SHANK2: variants seen among roughly 807,000 people sequenced by gnomAD.
SHANK2 encodes the protein SH3 and multiple ankyrin repeat domains protein 2.
Under a neutral mutation model 133.7 loss-of-function variants are expected in SHANK2, and 43 were observed. The ratio of observed to expected loss-of-function variants is 0.32; its 90% CI spans 0.25 to 0.41. SHANK2 has a LOEUF of 0.41. Among genes scored for constraint, SHANK2 ranks in the 10% least tolerant of loss-of-function variants. The probability of loss-of-function intolerance (pLI) is 1.00; values close to 1 mark genes in which losing one functional copy is unlikely to be tolerated. For synonymous variants in SHANK2, 1,017 were observed against 952.8 expected (o/e 1.07, Z -1.24); for missense variants, 1,994 against 2,235.8 (o/e 0.89, Z 2.18).
At chr11:71,197,636 C>A (rs993022939) in intron 2 of SHANK2, among the ~76,000 whole-genome samples, 4 of 152,200 alleles carry the variant, frequency 2.6e-5, no homozygotes, top group African/African-American at 9.7e-5. Context: ...CTGAAGAGAA[C>A]CTGGCAGGCA....
chr11:70,684,506 C>T (rs549540423), intron 15 of SHANK2, among the ~76,000 whole-genome samples: 1 of 152,214 alleles, frequency 6.6e-6, no homozygotes, highest in African/African-American at 2.4e-5. Flanking sequence ...GCTGCAATGA[C>T]CTATGATTGC....
intron 8 of SHANK2, among the ~76,000 whole-genome samples, chr11:71,085,658 T>C (rs1164153440): frequency 0.24 from 2,306 of 9,780 alleles, 119 homozygotes; most frequent in Non-Finnish European, 0.31. Flanking sequence ...TGTTATATAT[T>C]ATATTATATA....
At chr11:70,731,941 C>G (rs1024912743) in intron 14 of SHANK2, among the ~76,000 whole-genome samples, 8 of 152,130 alleles carry the variant, frequency 5.3e-5, no homozygotes, top group Non-Finnish European at 1.2e-4. Context: ...CCAGATGTCC[C>G]CTTTCTCACT....
intron 6 of SHANK2, among the ~76,000 whole-genome samples, chr11:71,102,692 C>A (rs562869380): frequency 3.2e-4 from 49 of 152,340 alleles, no homozygotes; most frequent in African/African-American, 1.2e-3. Context: ...CTGCCTGGGT[C>A]ATCCACGTCC....
intron 24 of SHANK2, chr11:70,489,024 AG>A (rs2058850088): frequency 5.1e-6 from 2 of 392,408 alleles, no homozygotes; most frequent in Admixed American, 7.9e-5. Flanking sequence ...GGGAGCATGC[AG>A]GTTTTCAAAG....
intron 2 of SHANK2, among the ~76,000 whole-genome samples, chr11:71,192,034 T>C (rs1953804200): frequency 6.6e-6 from 1 of 152,032 alleles, no homozygotes; most frequent in Non-Finnish European, 1.5e-5. Context: ...ATAATTTTTG[T>C]ATTTTTAGTA....
chr11:70,533,634 T>C (rs1053061210), intron 17 of SHANK2, among the ~76,000 whole-genome samples: 9 of 151,590 alleles, frequency 5.9e-5, no homozygotes, highest in Middle Eastern at 3.3e-3. Flanking sequence ...GACATGCATA[T>C]TTCTTTAATT....
rs929206207 is a variant in SHANK2, at chr11:70,712,057, G to A, written c.1778-13294C>T. ...CAGGTCTCTGGGCTGAAGTTAGGGC[G>A]TTTGTGGAGCTTCCTTCCTGCTGGA... is the stretch of plus-strand genomic sequence containing the variant. On this transcript the variant is annotated intron_variant, in intron 14 of 25. Transcript: ENST00000601538. 5.1e-4 allele frequency among the ~76,000 whole-genome samples: 78 copies of A among 152,216 alleles called. 2 individuals carry two copies. The highest frequency in any genetic ancestry group is 2.9e-5 in the Non-Finnish European group (2 of 68,004).
At chr11:71,062,848 T>A (rs1951003410) in intron 9 of SHANK2, among the ~76,000 whole-genome samples, 2 of 151,444 alleles carry the variant, frequency 1.3e-5, no homozygotes, top group East Asian at 2.0e-4. Context: ...ATGAAAAAAA[T>A]TAGCCAGGAG....
chr11:70,743,991 C>T (rs1555035333), intron 14 of SHANK2, among the ~76,000 whole-genome samples: 2 of 152,192 alleles, frequency 1.3e-5, no homozygotes, highest in Non-Finnish European at 2.9e-5. Flanking sequence ...CGGGCCCAAG[C>T]CCTCAGCCCC....
chr11:70,471,280 A>G lies in SHANK2; in HGVS notation c.*1589T>C. ...GAAAAAAAGGAAAAAAAAAAAACAA[A>G]ACCATGTTTTATAATTAGAGATGGG... On this transcript the variant is annotated 3_prime_UTR_variant, in exon 26 of 26. Transcript: ENST00000601538. This position sits in a 1 kb window ranked among gnomAD's most constrained non-coding sequence, Gnocchi z 4.1. 1 of 399,056 alleles carries G rather than the reference A, an allele frequency of 2.5e-6. No homozygotes were observed. The allele number at this position is 399,056 out of a possible 1,614,324, so 24.7% of individuals were successfully genotyped here. A position where few individuals can be genotyped will look rare whatever the true frequency, so the allele number is the denominator to read the frequency against.
intron 1 of SHANK2, among the ~76,000 whole-genome samples, chr11:71,230,389 G>T (rs1254088417): frequency 6.6e-6 from 1 of 152,080 alleles, no homozygotes; most frequent in Non-Finnish European, 1.5e-5. Flanking sequence ...AGACCACGGT[G>T]AAACCCCATC....
chr11:70,530,326 A>G (rs2059451150), intron 17 of SHANK2, among the ~76,000 whole-genome samples: 1 of 152,180 alleles, frequency 6.6e-6, no homozygotes, highest in South Asian at 2.1e-4. Flanking sequence ...CCTCGCACCC[A>G]GGAGTTCGAG....
chr11:71,127,634 T>C (rs77816154), intron 3 of SHANK2, among the ~76,000 whole-genome samples: 1,850 of 152,326 alleles, frequency 0.012, 12 homozygotes, highest in East Asian at 0.02. Flanking sequence ...AACAAAGTAT[T>C]TTTTAATTAG....
chr11:70,584,819 C>T (rs1232367303), intron 17 of SHANK2, among the ~76,000 whole-genome samples: 1 of 152,228 alleles, frequency 6.6e-6, no homozygotes, highest in African/African-American at 2.4e-5. Flanking sequence ...ATAAAACCTA[C>T]ATTTTAAAAC....
chr11:70,954,533 T>TG (rs1479646931), intron 10 of SHANK2, among the ~76,000 whole-genome samples: 7 of 152,206 alleles, frequency 4.6e-5, no homozygotes, highest in East Asian at 3.9e-4. Context: ...ACGAAGGGTC[T>TG]GGGGGGCAAA....
chr11:70,930,174 C>A (rs1215921513), intron 10 of SHANK2, among the ~76,000 whole-genome samples: 1 of 152,206 alleles, frequency 6.6e-6, no homozygotes, highest in Non-Finnish European at 1.5e-5. Context: ...TTTCTTGGTT[C>A]CAATCATTCA....
intron 17 of SHANK2, among the ~76,000 whole-genome samples, chr11:70,630,399 G>A (rs2060968551): frequency 6.6e-6 from 1 of 152,226 alleles, no homozygotes; most frequent in Admixed American, 6.5e-5. Context: ...GAAGAGATCT[G>A]CGGACAAAGT....
intron 2 of SHANK2, among the ~76,000 whole-genome samples, chr11:71,149,354 G>C (rs1397017968): frequency 6.6e-6 from 1 of 152,190 alleles, no homozygotes; most frequent in Non-Finnish European, 1.5e-5. Flanking sequence ...TTCACCAACA[G>C]ACTAGCCTTC....
Sources: allele counts gnomAD v4.1 joint callset (sites outside exome capture counted in the v4.1 genomes callset), GRCh38; gene constraint gnomAD v4.1.1; non-coding constraint Gnocchi (gnomAD v3.1); transcripts MANE v1.5; gene names NCBI Gene and HGNC (gene_info 2026-07-23, HGNC 2026-07-21).